The following RBM47 variants were observed in gnomAD, a reference collection of about 807,000 sequenced individuals.
RBM47 encodes the protein RNA binding motif protein 47, also known as RNA-binding protein 47.
RBM47 carries 21 observed loss-of-function variants against 47.1 expected under a neutral mutation model. The ratio of observed to expected loss-of-function variants is 0.45; its 90% CI spans 0.32 to 0.64. The LOEUF (loss-of-function observed/expected upper bound fraction) is 0.64. Among genes scored for constraint, RBM47 ranks in the 30% least tolerant of loss-of-function variants. The probability of loss-of-function intolerance (pLI) is 0.05; values close to 1 mark genes in which losing one functional copy is unlikely to be tolerated. For synonymous variants in RBM47, 375 were observed against 361.7 expected (o/e 1.04, Z -0.42); for missense variants, 708 against 870.9 (o/e 0.81, Z 2.35).
chr4:40,561,219 T>C (rs1231583941), intron 1 of RBM47, among the ~76,000 whole-genome samples: 1 of 149,616 alleles, frequency 6.7e-6, no homozygotes, highest in Non-Finnish European at 1.5e-5. Context: ...GGACTATTTT[T>C]CCATTGTCTT....
rs1351548746 is a variant in RBM47, at chr4:40,500,883, ACT to A, written c.-154-34186_-154-34185del. Among the ~76,000 whole-genome samples, 3 of 152,168 alleles carry A rather than the reference ACT, an allele frequency of 2.0e-5. No homozygotes were observed. The East Asian group carries it at 5.8e-4, about 29-fold the overall frequency. On this transcript the variant is annotated intron_variant, in intron 2 of 6. Transcript: ENST00000295971. Reference sequence around the variant, plus strand: ...CAGTAACAAATCTATCACAGAAAACACTGACCATGGTCGTGACATTCTTTGGT... The same window carrying A: ...CAGTAACAAATCTATCACAGAAAACAGACCATGGTCGTGACATTCTTTGGT...
intron 3 of RBM47, among the ~76,000 whole-genome samples, chr4:40,444,444 T>C (rs1266241823): frequency 1.3e-5 from 2 of 149,654 alleles, no homozygotes; most frequent in Non-Finnish European, 3.0e-5. Flanking sequence ...AAAGAAAAGA[T>C]AATGTGTGGC....
intron 3 of RBM47, among the ~76,000 whole-genome samples, chr4:40,445,206 G>A (rs1714345333): frequency 6.6e-6 from 1 of 150,500 alleles, no homozygotes; most frequent in Admixed American, 6.6e-5. Flanking sequence ...CCCGAGAGTC[G>A]GAGCTTGCAG....
intron 3 of RBM47, among the ~76,000 whole-genome samples, chr4:40,446,738 C>CAAAAAAAA (rs34186378): frequency 1.3e-5 from 1 of 76,308 alleles, no homozygotes; most frequent in African/African-American, 6.0e-5. Context: ...GACCCAGTCT[C>CAAAAAAAA]AAAAAAAAAA....
intron 2 of RBM47, among the ~76,000 whole-genome samples, chr4:40,535,375 T>C (rs1727851893): frequency 7.5e-6 from 1 of 134,196 alleles, no homozygotes; most frequent in Admixed American, 7.4e-5. Context: ...GTATTTCTTT[T>C]TTTTTTTTTT....
chr4:40,595,219 G>A (rs1734636865), intron 1 of RBM47, among the ~76,000 whole-genome samples: 1 of 152,208 alleles, frequency 6.6e-6, no homozygotes, highest in Non-Finnish European at 1.5e-5. Flanking sequence ...GGAAGGGCTG[G>A]GCATGGTGGC....
intron 1 of RBM47, among the ~76,000 whole-genome samples, chr4:40,581,458 A>AAATAAATAAATAAAT (rs1553904699): frequency 6.7e-6 from 1 of 149,608 alleles, no homozygotes; most frequent in African/African-American, 2.5e-5. Context: ...ATAAATAAAT[A>AAATAAATAAATAAAT]AATAAATAAA....
chr4:40,510,563 A>C (rs1724791780), intron 2 of RBM47, among the ~76,000 whole-genome samples: 1 of 152,134 alleles, frequency 6.6e-6, no homozygotes, highest in Admixed American at 6.6e-5. Flanking sequence ...CCTTTAGGGG[A>C]CCTGGGAAGG....
In RBM47 at chr4:40,527,654, T is replaced by C. The variant is rs182944480; in HGVS notation, c.-155+16768A>G. On this transcript the variant is annotated intron_variant, in intron 2 of 6. Transcript: ENST00000295971. ...GTTGGCCAGGCTGGTCTCGAACTCC[T>C]GGCCTCAACTGGTAACGCCCGCCTC... Among the ~76,000 whole-genome samples, 200 of 150,736 alleles carry C rather than the reference T, an allele frequency of 1.3e-3. 3 individuals are homozygous for C. The highest frequency in any genetic ancestry group is 0.012 in the Admixed American group (176 of 14,954).
chr4:40,623,600 G>A (rs913440509), intron 1 of RBM47, among the ~76,000 whole-genome samples: 4 of 151,962 alleles, frequency 2.6e-5, no homozygotes, highest in Admixed American at 6.6e-5. Context: ...AGCCTTGAGC[G>A]CCTGTCATCC....
At chr4:40,613,617 T>C (rs1201010307) in intron 1 of RBM47, among the ~76,000 whole-genome samples, 3 of 152,066 alleles carry the variant, frequency 2.0e-5, no homozygotes, top group Non-Finnish European at 4.4e-5. Context: ...TTTAACTCAT[T>C]GGTGATAAAA....
intron 2 of RBM47, among the ~76,000 whole-genome samples, chr4:40,480,725 T>G (rs140527020): frequency 1.3e-5 from 2 of 152,306 alleles, no homozygotes; most frequent in East Asian, 3.9e-4. Context: ...CTGCTAGATT[T>G]TATGGCGATC....
intron 3 of RBM47, among the ~76,000 whole-genome samples, chr4:40,464,632 G>T (rs1717683591): frequency 6.6e-6 from 1 of 151,910 alleles, no homozygotes; most frequent in Admixed American, 6.6e-5. Flanking sequence ...AGGCATGGTG[G>T]CTCACGCCTG....
chr4:40,464,829 T>A (rs547558027), intron 3 of RBM47, among the ~76,000 whole-genome samples: 3 of 134,856 alleles, frequency 2.2e-5, no homozygotes, highest in Admixed American at 1.8e-4. Flanking sequence ...AGGCAGAGCT[T>A]GCAGTGAGCC....
intron 2 of RBM47, among the ~76,000 whole-genome samples, chr4:40,527,213 C>T (rs1374130735): frequency 1.3e-5 from 2 of 152,124 alleles, no homozygotes; most frequent in Non-Finnish European, 2.9e-5. Flanking sequence ...ACCTCCACCT[C>T]CTGGGTTCAA....
intron 1 of RBM47, among the ~76,000 whole-genome samples, chr4:40,553,820 A>C (rs1729806668): frequency 6.6e-6 from 1 of 152,168 alleles, no homozygotes; most frequent in African/African-American, 2.4e-5. Flanking sequence ...CAACAAGCTA[A>C]AAAGCCCATG....
chr4:40,599,297 A>G (rs567237189), intron 1 of RBM47, among the ~76,000 whole-genome samples: 1 of 152,190 alleles, frequency 6.6e-6, no homozygotes, highest in Non-Finnish European at 1.5e-5. Context: ...TAAAGTTCAA[A>G]TGCCACAAAA....
chr4:40,450,447 T>C (rs1715234471), intron 3 of RBM47, among the ~76,000 whole-genome samples: 2 of 150,204 alleles, frequency 1.3e-5, no homozygotes, highest in African/African-American at 4.9e-5. Flanking sequence ...AAAAAAAATA[T>C]AAAACTTAGC....
chr4:40,526,572 G>A (rs1726734205), intron 2 of RBM47, among the ~76,000 whole-genome samples: 1 of 151,586 alleles, frequency 6.6e-6, no homozygotes, highest in South Asian at 2.1e-4. Flanking sequence ...TTGTTTTTGG[G>A]GTTTTTGTTT....
Sources: allele counts gnomAD v4.1 joint callset (sites outside exome capture counted in the v4.1 genomes callset), GRCh38; gene constraint gnomAD v4.1.1; transcripts MANE v1.5; gene names NCBI Gene and HGNC (gene_info 2026-07-23, HGNC 2026-07-21).